GATAD2A: variants seen among roughly 807,000 people sequenced by gnomAD.
The protein encoded by GATAD2A is GATA zinc finger domain containing 2A.
Under a neutral mutation model 68.5 loss-of-function variants are expected in GATAD2A, and 12 were observed. The observed-to-expected ratio is 0.18, with a 90% CI of 0.11 to 0.28. The LOEUF is 0.28. GATAD2A is among the 10% of genes least tolerant of loss of function. GATAD2A has a pLI of 1.00. For synonymous variants in GATAD2A, 410 were observed against 375.3 expected (o/e 1.09, Z -1.07); for missense variants, 755 against 868.5 (o/e 0.87, Z 1.64).
At chr19:19,426,007 C>T (rs999017752) in intron 1 of GATAD2A, among the ~76,000 whole-genome samples, 3 of 152,064 alleles carry the variant, frequency 2.0e-5, no homozygotes, top group African/African-American at 4.8e-5. Context: ...AGGCTGGTCT[C>T]GAACTTGTAA....
In GATAD2A at chr19:19,468,569, A is replaced by G. The variant is rs559868552; in HGVS notation, c.269+2955A>G. Among the ~76,000 whole-genome samples the G allele has an allele frequency of 7.2e-5, 11 of 152,346 alleles. No individual in the cohort carries two copies. In the South Asian group the frequency reaches 2.1e-3, roughly 29 times the overall value. ...GAAAATCTTGAAAGTAGCAAAAGAA[A>G]AACAACTCAGCACATCTGGGGAGCA... On this transcript the variant is annotated intron_variant, in intron 2 of 11. Coordinates refer to ENST00000683918, the MANE Select transcript of GATAD2A (RefSeq NM_001384528.1).
At chr19:19,408,947 A>G (rs2050607261) in intron 1 of GATAD2A, among the ~76,000 whole-genome samples, 1 of 151,406 alleles carries the variant, frequency 6.6e-6, no homozygotes, top group African/African-American at 2.4e-5. Context: ...GGGTCTTAGC[A>G]GATGACTAAA....
At chr19:19,495,966 T>TG in intron 6 of GATAD2A, 81 bp downstream of exon 6, 1 of 1,583,946 alleles carries the variant, frequency 6.3e-7, no homozygotes, top group Non-Finnish European at 8.6e-7. Context: ...TCCCAGTCCT[T>TG]GGGGGCAAGG....
intron 2 of GATAD2A, among the ~76,000 whole-genome samples, chr19:19,476,384 C>T (rs1278271240): frequency 5.9e-5 from 9 of 152,222 alleles, no homozygotes; most frequent in Admixed American, 5.9e-4. Context: ...ATTTGTCACT[C>T]ACTGACAGGC....
At chr19:19,427,680 CTTTT>C in intron 1 of GATAD2A, 1 of 156,506 alleles carries the variant, frequency 6.4e-6, no homozygotes, top group Non-Finnish European at 1.4e-5. Flanking sequence ...TTCTTTCTTT[CTTTT>C]TTTCTTTTTA....
At chr19:19,455,501 A>G (rs533186970) in intron 1 of GATAD2A, among the ~76,000 whole-genome samples, 1 of 152,340 alleles carries the variant, frequency 6.6e-6, no homozygotes, top group Admixed American at 6.5e-5. Context: ...GGTCTTAAAA[A>G]AAAAATTTTT....
At position 19,390,232 on chromosome 19, in the gene GATAD2A, A is replaced by G. The variant is rs28417171; in HGVS notation, c.-7+4094A>G. Among the ~76,000 whole-genome samples the G allele has an allele frequency of 9.7e-3, 1,479 of 152,166 alleles. 25 individuals carry two copies. Among genetic ancestry groups the G allele is most frequent in the African/African-American group, 0.034 (1,410 of 41,488 alleles). On this transcript the variant is annotated intron_variant, in intron 1 of 11. Transcript: ENST00000360315. ...GGCATGTTATTAAATATTCGAGGGA[A>G]CACATTGCTGTGAATGTGTGTGTCA...
At chr19:19,402,875 C>T (rs1031130838), upstream of GATAD2A, among the ~76,000 whole-genome samples, 3 of 149,844 alleles carry the variant, frequency 2.0e-5, no homozygotes, top group African/African-American at 4.9e-5. Flanking sequence ...TTGGGTTCAG[C>T]GATTCTCCTG....
chr19:19,422,247 C>G (rs556313382), intron 1 of GATAD2A, among the ~76,000 whole-genome samples: 1 of 152,340 alleles, frequency 6.6e-6, no homozygotes, highest in South Asian at 2.1e-4. Context: ...AAACAGCAAG[C>G]ATATTTCAAG....
intron 8 of GATAD2A, among the ~76,000 whole-genome samples, chr19:19,499,709 G>A (rs552615739): frequency 2.0e-4 from 31 of 152,292 alleles, no homozygotes; most frequent in Non-Finnish European, 8.8e-5. Context: ...CCACACTTGC[G>A]TGGGGCTGGG....
chr19:19,403,025 G>A (rs939858307), upstream of GATAD2A, among the ~76,000 whole-genome samples: 1 of 151,890 alleles, frequency 6.6e-6, no homozygotes, highest in Non-Finnish European at 1.5e-5. Flanking sequence ...CACATGCCTC[G>A]GCCTCCCAAA....
Position 19,405,695 on chromosome 19 carries a change from C to G in GATAD2A, c.-331C>G, listed in dbSNP as rs1427333838. The stretch of plus-strand genomic sequence containing the variant: ...TCGCCACGCCCCGCCCAGCCGGGCG[C>G]GGGCGGGCGGCGTCGCCTTTAAGAG... On this transcript the variant is annotated 5_prime_UTR_variant, in exon 1 of 12. Coordinates refer to ENST00000683918, the MANE Select transcript of GATAD2A (RefSeq NM_001384528.1). 1.3e-5 allele frequency: 2 copies of G among 151,838 alleles called. No homozygotes were observed. Among genetic ancestry groups the G allele is most frequent in the Non-Finnish European group, 2.9e-5 (2 of 67,904 alleles). 9.4% of individuals were successfully genotyped at this position (151,838 alleles called of 1,614,324 possible).
At chr19:19,442,298 C>A (rs946523488) in intron 1 of GATAD2A, among the ~76,000 whole-genome samples, 7 of 152,076 alleles carry the variant, frequency 4.6e-5, no homozygotes, top group Non-Finnish European at 7.4e-5. Context: ...CGAGAGTGAA[C>A]AAGAACAAGG....
chr19:19,439,523 A>G (rs577898238), intron 1 of GATAD2A, among the ~76,000 whole-genome samples: 3 of 152,062 alleles, frequency 2.0e-5, no homozygotes, highest in South Asian at 2.1e-4. Flanking sequence ...GGAATTCACA[A>G]CTTCTCTCAG....
intron 7 of GATAD2A, 117 bp from the exon 8 acceptor site, chr19:19,498,326 G>A (rs1004833388): frequency 2.6e-5 from 23 of 895,022 alleles, no homozygotes; most frequent in African/African-American, 2.4e-4. Flanking sequence ...TGTTAAGGAC[G>A]CCATCGTCAA....
chr19:19,442,109 C>T (rs796933385), intron 1 of GATAD2A, among the ~76,000 whole-genome samples: 12 of 152,164 alleles, frequency 7.9e-5, no homozygotes, highest in African/African-American at 2.9e-4. Context: ...ATCCTCCAGC[C>T]TCAGCCTCCC....
Position 19,406,307 on chromosome 19 carries a change from C to CG in GATAD2A, c.-7+293dup, listed in dbSNP as rs1385704897. On this transcript the variant is annotated intron_variant, in intron 1 of 11. Coordinates refer to ENST00000683918, the MANE Select transcript of GATAD2A (RefSeq NM_001384528.1). Reference sequence around the variant, plus strand: ...TTCCGTCCTGCGCTTCCTGCGGGGTCGGGGGAAGGGCTGGGCCGCGAGGCG... The same window carrying CG: ...TTCCGTCCTGCGCTTCCTGCGGGGTCGGGGGGAAGGGCTGGGCCGCGAGGCG... Among the ~76,000 whole-genome samples the CG allele has an allele frequency of 6.1e-5, 9 of 148,546 alleles. No homozygotes were observed. In the East Asian group the frequency reaches 1.9e-3, roughly 31 times the overall value.
chr19:19,492,211 C>CG, intron 2 of GATAD2A, 95 bp from the exon 3 acceptor site: 1 of 1,276,858 alleles, frequency 7.8e-7, no homozygotes, highest in Non-Finnish European at 1.1e-6. Flanking sequence ...AGGGAACAGA[C>CG]GGGGAGGTCT....
At chr19:19,428,423 C>T (rs2053338484) in intron 1 of GATAD2A, among the ~76,000 whole-genome samples, 2 of 152,220 alleles carry the variant, frequency 1.3e-5, no homozygotes, top group African/African-American at 2.4e-5. Flanking sequence ...GTAGTTGCTT[C>T]TGTTTGAGAA....
Sources: gnomAD v4.1 joint callset for allele counts (sites outside exome capture counted in the v4.1 genomes callset) on GRCh38, gnomAD v4.1.1 for gene constraint, MANE v1.5 for transcripts, NCBI Gene and HGNC (gene_info 2026-07-23, HGNC 2026-07-21) for gene names.